Variants in PHTF2 observed in about 807,000 individuals in gnomAD.
PHTF2 encodes the protein protein PHTF2.
A neutral mutation model predicts 101.2 loss-of-function variants in PHTF2; 60 were observed. The observed-to-expected ratio is 0.59, with a 90% CI of 0.48 to 0.73. PHTF2 has a LOEUF of 0.73. Among genes scored for constraint, PHTF2 ranks in the 30% least tolerant of loss-of-function variants. The probability of loss-of-function intolerance (pLI) is 0.00; values close to 1 mark genes in which losing one functional copy is unlikely to be tolerated. For missense variants in PHTF2, 747 were observed against 908.7 expected, an observed-to-expected ratio of 0.82 and a Z score of 2.29; for synonymous variants, 311 against 307.3, an observed-to-expected ratio of 1.01 and a Z score of -0.13.
chr7:77,810,829 C>T (rs1793382310), intron 1 of PHTF2, among the ~76,000 whole-genome samples: 1 of 152,158 alleles, frequency 6.6e-6, no homozygotes, highest in African/African-American at 2.4e-5. Flanking sequence ...TGAGCCACCC[C>T]ACCCAGCTGA....
intron 3 of PHTF2, among the ~76,000 whole-genome samples, chr7:77,869,099 A>G (rs1265934032): frequency 6.6e-6 from 1 of 152,162 alleles, no homozygotes; most frequent in African/African-American, 2.4e-5. Context: ...ACTTTGAGCA[A>G]GTTATTGAAG....
chr7:77,918,644 A>G (rs1184854029), intron 9 of PHTF2, among the ~76,000 whole-genome samples: 2 of 152,168 alleles, frequency 1.3e-5, no homozygotes, highest in Non-Finnish European at 2.9e-5. Context: ...TAATGTTTCT[A>G]TCACTTTCTT....
At chr7:77,904,039 A>G (rs536651907) in intron 7 of PHTF2, among the ~76,000 whole-genome samples, 1 of 152,342 alleles carries the variant, frequency 6.6e-6, no homozygotes, top group African/African-American at 2.4e-5. Context: ...GATTACTGCC[A>G]GGAAACCTCA....
At chr7:77,803,411 A>G (rs1454319725) in intron 1 of PHTF2, among the ~76,000 whole-genome samples, 3 of 152,216 alleles carry the variant, frequency 2.0e-5, no homozygotes, top group African/African-American at 7.2e-5. Context: ...GATTTGTTAC[A>G]GATACCAGAA....
chr7:77,919,916 A>G (rs574425046), intron 9 of PHTF2, among the ~76,000 whole-genome samples: 2 of 152,326 alleles, frequency 1.3e-5, no homozygotes, highest in African/African-American at 2.4e-5. Flanking sequence ...TAACCTGACA[A>G]TTAGATCATT....
intron 1 of PHTF2, among the ~76,000 whole-genome samples, chr7:77,805,675 T>C (rs1792915850): frequency 6.6e-6 from 1 of 152,222 alleles, no homozygotes; most frequent in Non-Finnish European, 1.5e-5. Context: ...TATTTAGAAG[T>C]ATGTAGATGA....
chr7:77,939,837 ATTG>A (rs1456342080), intron 13 of PHTF2, among the ~76,000 whole-genome samples, 190 bp from the exon 13 acceptor site: 1 of 152,142 alleles, frequency 6.6e-6, no homozygotes, highest in Non-Finnish European at 1.5e-5. Flanking sequence ...CGATCTGATA[ATTG>A]TTTTTAAGAT....
rs1794842256 is a variant in PHTF2 at position 77,828,402 on chromosome 7, G to A, written c.-35-11819G>A. The stretch of plus-strand genomic sequence containing the variant: ...TGTGGTGGTACTTTGGTTGGTAATA[G>A]TAATATTGAAGTTAAGGAACCCTGA... On this transcript the variant is annotated intron_variant, in intron 1 of 19. Coordinates refer to ENST00000416283, the Ensembl canonical transcript of PHTF2. 3.9e-5 allele frequency among the ~76,000 whole-genome samples: 6 copies of A among 152,338 alleles called. No individual in the cohort carries two copies. The South Asian group carries it at 8.3e-4, about 21-fold the overall frequency.
intron 3 of PHTF2, among the ~76,000 whole-genome samples, chr7:77,889,879 G>A (rs547028279): frequency 1.3e-5 from 2 of 152,020 alleles, no homozygotes; most frequent in African/African-American, 2.4e-5. Context: ...GATTACAGGC[G>A]TGAGCCACCA....
At chr7:77,815,550 T>C (rs1251787308) in intron 1 of PHTF2, among the ~76,000 whole-genome samples, 1 of 152,244 alleles carries the variant, frequency 6.6e-6, no homozygotes, top group African/African-American at 2.4e-5. Flanking sequence ...ATAGCGGCCA[T>C]AGAGCCCCTT....
intron 3 of PHTF2, among the ~76,000 whole-genome samples, chr7:77,866,816 C>G (rs1798105257): frequency 6.6e-6 from 1 of 152,024 alleles, no homozygotes; most frequent in African/African-American, 2.4e-5. Context: ...AATATGTAAA[C>G]AAGGATGGTG....
intron 3 of PHTF2, among the ~76,000 whole-genome samples, chr7:77,860,953 C>G (rs1386138467): frequency 6.6e-6 from 1 of 152,134 alleles, no homozygotes; most frequent in African/African-American, 2.4e-5. Flanking sequence ...ATCCTCCCAC[C>G]TCGGCCTCCC....
intron 7 of PHTF2, among the ~76,000 whole-genome samples, chr7:77,903,802 A>G (rs1801610674): frequency 6.6e-6 from 1 of 152,198 alleles, no homozygotes; most frequent in African/African-American, 2.4e-5. Context: ...GTCTGTCTCC[A>G]TTGCAGCACC....
At chr7:77,871,100 TTCAGCAAGCACC>T (rs1798478024) in intron 3 of PHTF2, among the ~76,000 whole-genome samples, 1 of 152,138 alleles carries the variant, frequency 6.6e-6, no homozygotes, top group African/African-American at 2.4e-5. Flanking sequence ...TCCCTTGGCC[TTCAGCAAGCACC>T]TCAGCAAGTC....
chr7:77,937,863 T>C, intron 13 of PHTF2, 25 bp downstream of exon 12: 1 of 1,340,746 alleles, frequency 7.5e-7, no homozygotes, highest in Non-Finnish European at 1.0e-6. Context: ...TTTATTCTTG[T>C]AGTTCAAGGG....
exon 19 of PHTF2, chr7:77,953,826 A>T: frequency 6.2e-7 from 1 of 1,612,730 alleles, no homozygotes; most frequent in Non-Finnish European, 8.5e-7. Flanking sequence ...GCTTTATAAC[A>T]TCACCCAGGT....
chr7:77,801,240 G>A (rs1792524397), intron 1 of PHTF2, among the ~76,000 whole-genome samples: 1 of 152,162 alleles, frequency 6.6e-6, no homozygotes. Flanking sequence ...TCTAAAATCT[G>A]GAACCTTTTG....
At chr7:77,913,283 G>C (rs1461539527) in intron 9 of PHTF2, among the ~76,000 whole-genome samples, 1 of 151,576 alleles carries the variant, frequency 6.6e-6, no homozygotes, top group Non-Finnish European at 1.5e-5. Context: ...AGCTATTTGA[G>C]AGGCTAGGGC....
At chr7:77,875,748 G>C (rs1004980614) in intron 3 of PHTF2, among the ~76,000 whole-genome samples, 1 of 151,854 alleles carries the variant, frequency 6.6e-6, no homozygotes, top group African/African-American at 2.4e-5. Context: ...TAGTAGAGAC[G>C]GGGTTTCAGT....
Sources: allele counts gnomAD v4.1 joint callset (sites outside exome capture counted in the v4.1 genomes callset), GRCh38; gene constraint gnomAD v4.1.1; transcripts MANE v1.5; gene names NCBI Gene and HGNC (gene_info 2026-07-23, HGNC 2026-07-21).